GNAO1: variants seen among roughly 807,000 people sequenced by gnomAD.
GNAO1 encodes the protein guanine nucleotide-binding protein G(o) subunit alpha.
For missense variants in GNAO1, 166 were observed against 478.7 expected, an observed-to-expected ratio of 0.35 and a Z score of 6.10; for synonymous variants, 164 against 180.7, an observed-to-expected ratio of 0.91 and a Z score of 0.74.
At chr16:56,216,070 G>A (rs2036434212) in intron 2 of GNAO1, among the ~76,000 whole-genome samples, 1 of 152,130 alleles carries the variant, frequency 6.6e-6, no homozygotes, top group South Asian at 2.1e-4. Flanking sequence ...GGAGTGGGTG[G>A]CAGGGTTGTA....
At chr16:56,355,887 C>A (rs983882205) in intron 8 of GNAO1, 39 of 151,354 alleles carry the variant, frequency 2.6e-4, no homozygotes, top group Middle Eastern at 3.4e-3. Context: ...GAGGGCCGGA[C>A]TTGTGGGCCT....
At chr16:56,277,740 G>A (rs1405977347) in intron 3 of GNAO1, among the ~76,000 whole-genome samples, 1 of 147,446 alleles carries the variant, frequency 6.8e-6, no homozygotes, top group Non-Finnish European at 1.5e-5. Flanking sequence ...CTGAATCTCA[G>A]CCAGATAGCA....
intron 3 of GNAO1, among the ~76,000 whole-genome samples, chr16:56,279,896 G>C (rs3790091): frequency 0.034 from 5,191 of 152,260 alleles, 211 homozygotes; most frequent in South Asian, 0.1. Context: ...TGATCAAGGC[G>C]TATGTCGTTT....
intron 2 of GNAO1, chr16:56,193,959 A>G (rs1337934456): frequency 5.4e-6 from 2 of 366,978 alleles, no homozygotes; most frequent in East Asian, 7.3e-5. Context: ...CGCGTAGGGA[A>G]ACAATGGAAA....
intron 2 of GNAO1, chr16:56,235,203 G>A (rs2036626397): frequency 2.5e-6 from 1 of 406,674 alleles, no homozygotes; most frequent in South Asian, 1.9e-5. Flanking sequence ...ATGTCTTCTA[G>A]CATTTGACTC....
At chr16:56,278,712 T>G (rs1252507906) in intron 3 of GNAO1, among the ~76,000 whole-genome samples, 1 of 151,648 alleles carries the variant, frequency 6.6e-6, no homozygotes, top group Non-Finnish European at 1.5e-5. Flanking sequence ...CAAAATAAGG[T>G]GATGTGAGAG....
intron 6 of GNAO1, chr16:56,346,037 G>T (rs1473212239): frequency 4.1e-6 from 4 of 985,254 alleles, no homozygotes; most frequent in African/African-American, 1.7e-5. Context: ...GGGGCTGGAG[G>T]AGTGGGTGCT....
chr16:56,195,932 G>C (rs1481724955), intron 2 of GNAO1, among the ~76,000 whole-genome samples: 1 of 152,122 alleles, frequency 6.6e-6, no homozygotes, highest in African/African-American at 2.4e-5. Context: ...AGGACCGGCT[G>C]GCAATTGCTG....
At chr16:56,325,401 A>G (rs1316778558) in intron 3 of GNAO1, among the ~76,000 whole-genome samples, 2 of 152,222 alleles carry the variant, frequency 1.3e-5, no homozygotes, top group Non-Finnish European at 2.9e-5. Flanking sequence ...TCTTGAACCC[A>G]GGAGGCGGAG....
At chr16:56,284,344 G>T (rs1444184102) in intron 3 of GNAO1, among the ~76,000 whole-genome samples, 4 of 152,156 alleles carry the variant, frequency 2.6e-5, no homozygotes, top group Admixed American at 2.0e-4. Flanking sequence ...GGCTGGATCG[G>T]GCCGCAAGCT....
intron 2 of GNAO1, among the ~76,000 whole-genome samples, chr16:56,266,900 T>C (rs2036959130): frequency 6.6e-6 from 1 of 151,408 alleles, no homozygotes; most frequent in Non-Finnish European, 1.5e-5. Context: ...GAAAGAGTGG[T>C]GTTCTCTAGG....
chr16:56,318,454 A>G (rs1222587284), intron 3 of GNAO1, among the ~76,000 whole-genome samples: 1 of 152,080 alleles, frequency 6.6e-6, no homozygotes, highest in Non-Finnish European at 1.5e-5. Context: ...CGGCGGGTCC[A>G]GCTCACGCTC....
intron 2 of GNAO1, among the ~76,000 whole-genome samples, chr16:56,223,444 G>A (rs2036508552): frequency 6.6e-6 from 1 of 152,174 alleles, no homozygotes; most frequent in Non-Finnish European, 1.5e-5. Context: ...CTGCTTTTAA[G>A]GACTCATGTG....
chr16:56,320,599 G>A (rs759968950), intron 3 of GNAO1, among the ~76,000 whole-genome samples: 3 of 152,248 alleles, frequency 2.0e-5, no homozygotes, highest in Non-Finnish European at 2.9e-5. Flanking sequence ...GAAGCTGGCA[G>A]AGGAGGCTCC....
At chr16:56,220,715 G>A (rs993758904) in intron 2 of GNAO1, among the ~76,000 whole-genome samples, 16 of 152,072 alleles carry the variant, frequency 1.1e-4, no homozygotes, top group Middle Eastern at 3.2e-3. Context: ...TTCCACCCTC[G>A]TGGATGGGAT....
At chr16:56,299,282 T>C (rs1243934644) in intron 3 of GNAO1, among the ~76,000 whole-genome samples, 1 of 152,248 alleles carries the variant, frequency 6.6e-6, no homozygotes, top group African/African-American at 2.4e-5. Flanking sequence ...TGTCCAACCC[T>C]GGAGAGAGAA....
intron 2 of GNAO1, among the ~76,000 whole-genome samples, chr16:56,271,458 TA>T (rs150427347): frequency 0.015 from 2,309 of 152,316 alleles, 24 homozygotes; most frequent in African/African-American, 0.031. Context: ...AAAATGCTAT[TA>T]TTTTTTTTGG....
Position 56,218,738 on chromosome 16 carries a change from C to T in GNAO1, c.161+26122C>T, listed in dbSNP as rs536309285. Among the ~76,000 whole-genome samples, 4 of 152,282 alleles carry T rather than the reference C, an allele frequency of 2.6e-5. No homozygotes were observed. The East Asian group carries it at 5.8e-4, about 22-fold the overall frequency. On this transcript the variant is annotated intron_variant, in intron 2 of 8. Transcript: ENST00000262493. ...AAGATTTTGTGTGTGATCTCTCACT[C>T]ATCTCCAGGCCTTTGTCCATGGTGT...
chr16:56,349,589 T>A (rs140572989), intron 6 of GNAO1, among the ~76,000 whole-genome samples: 1 of 152,196 alleles, frequency 6.6e-6, no homozygotes, highest in African/African-American at 2.4e-5. Context: ...TCCTGGGGAA[T>A]CAGAATGAAA....
Sources: gnomAD v4.1 joint callset for allele counts (sites outside exome capture counted in the v4.1 genomes callset) on GRCh38, gnomAD v4.1.1 for gene constraint, MANE v1.5 for transcripts, NCBI Gene and HGNC (gene_info 2026-07-23, HGNC 2026-07-21) for gene names.